HPSE2: variants seen among roughly 807,000 people sequenced by gnomAD.
The protein encoded by HPSE2 is heparanase 2 (inactive).
In HPSE2, 38 loss-of-function variants were observed where a neutral mutation model predicts 60.5. That is an observed-to-expected ratio of 0.63 (90% CI 0.48 to 0.82). The LOEUF (loss-of-function observed/expected upper bound fraction) is 0.82, where lower values mean the gene tolerates loss of function less well. HPSE2 is among the 40% of genes least tolerant of loss of function. HPSE2 has a pLI of 0.00. For missense variants in HPSE2, 713 were observed against 740.4 expected, an observed-to-expected ratio of 0.96 and a Z score of 0.43; for synonymous variants, 295 against 293.2, an observed-to-expected ratio of 1.01 and a Z score of -0.06.
At chr10:98,566,303 A>T (rs1028539065) in intron 9 of HPSE2, among the ~76,000 whole-genome samples, 2 of 152,208 alleles carry the variant, frequency 1.3e-5, no homozygotes, top group Admixed American at 1.3e-4. Flanking sequence ...TCTTTTCACA[A>T]ACTGCTAATG....
chr10:99,264,374 ACTG>A, the HPSE2 span, among the ~76,000 whole-genome samples: 4 of 152,182 alleles, frequency 2.6e-5, no homozygotes. Context: ...GGCGTGAGGC[ACTG>A]CACCCAGCCT....
chr10:99,256,276 T>A, the HPSE2 span, among the ~76,000 whole-genome samples: 7 of 149,278 alleles, frequency 4.7e-5, no homozygotes, highest in Non-Finnish European at 7.4e-5. Flanking sequence ...TCCACCCTCA[T>A]GAATGGATTA....
intron 2 of HPSE2, among the ~76,000 whole-genome samples, chr10:99,166,563 T>G (rs1012064783): frequency 3.9e-5 from 6 of 152,174 alleles, no homozygotes; most frequent in Non-Finnish European, 8.8e-5. Context: ...TCTAATAGAT[T>G]TGTAGTGGTA....
At chr10:98,600,911 G>GTATATATGTGTGTATATATATATATATA (rs576143051) in intron 9 of HPSE2, among the ~76,000 whole-genome samples, 1 of 73,702 alleles carries the variant, frequency 1.4e-5, no homozygotes, top group African/African-American at 3.7e-5. Flanking sequence ...ATGTGTGTGT[G>GTATATATGTGTGTATATATATATATATA]TATATATATA....
chr10:98,822,825 T>G (rs964767449), intron 3 of HPSE2, among the ~76,000 whole-genome samples: 8 of 152,232 alleles, frequency 5.3e-5, no homozygotes, highest in African/African-American at 1.9e-4. Context: ...GGCGGAATGA[T>G]GGCTGCCCTC....
intron 2 of HPSE2, among the ~76,000 whole-genome samples, chr10:99,178,940 C>T (rs1209240913): frequency 1.3e-5 from 2 of 152,174 alleles, no homozygotes; most frequent in African/African-American, 4.8e-5. Flanking sequence ...TTGGCTTCAT[C>T]CCTGGGATGC....
intron 3 of HPSE2, among the ~76,000 whole-genome samples, chr10:98,774,841 C>T (rs1950307392): frequency 6.6e-6 from 1 of 152,136 alleles, no homozygotes; most frequent in African/African-American, 2.4e-5. Context: ...TCTCCTTCAT[C>T]GTGGGACTCT....
intron 4 of HPSE2, among the ~76,000 whole-genome samples, chr10:98,741,599 A>T (rs1949498661): frequency 6.6e-6 from 1 of 151,860 alleles, no homozygotes; most frequent in Admixed American, 6.6e-5. Context: ...AAGCTCCCAC[A>T]TTCAGAGATG....
chr10:98,831,528 T>C (rs1951683775), intron 3 of HPSE2, among the ~76,000 whole-genome samples: 1 of 152,168 alleles, frequency 6.6e-6, no homozygotes, highest in Non-Finnish European at 1.5e-5. Flanking sequence ...ACACTGATAG[T>C]GTATATTAAT....
chr10:98,659,635 A>G (rs1203960810), intron 6 of HPSE2, among the ~76,000 whole-genome samples: 1 of 152,198 alleles, frequency 6.6e-6, no homozygotes, highest in Admixed American at 6.5e-5. Flanking sequence ...TCATGAACAT[A>G]TATTTGTTTG....
chr10:98,743,266 C>A (rs889570688), intron 4 of HPSE2, among the ~76,000 whole-genome samples: 3 of 151,802 alleles, frequency 2.0e-5, no homozygotes, highest in Admixed American at 1.3e-4. Flanking sequence ...CCACCACGCC[C>A]AGCCAAGAAT....
rs1843126122 is a variant in HPSE2 at position 99,081,238 on chromosome 10, C to T, written c.610+63000G>A. The stretch of plus-strand genomic sequence containing the variant: ...AAAGAAATACATATGCATGTATGAA[C>T]TATAAAATCCTGTGGTTCCACATAT... On this transcript the variant is annotated intron_variant, in intron 3 of 11. Transcript: ENST00000370552. Among the ~76,000 whole-genome samples, 3 of 152,316 alleles carry T rather than the reference C, an allele frequency of 2.0e-5. No individual in the cohort carries two copies. The South Asian group carries it at 6.2e-4, about 32-fold the overall frequency.
chr10:99,203,945 C>T (rs1171594649), intron 2 of HPSE2, among the ~76,000 whole-genome samples: 1 of 152,048 alleles, frequency 6.6e-6, no homozygotes, highest in African/African-American at 2.4e-5. Context: ...GCCAAGGTTC[C>T]AGGACCACCC....
the HPSE2 span, among the ~76,000 whole-genome samples, chr10:99,241,707 T>C: frequency 6.6e-6 from 1 of 152,166 alleles, no homozygotes; most frequent in Non-Finnish European, 1.5e-5. Flanking sequence ...TACAGTGAGC[T>C]ATGAGATCAT....
intron 3 of HPSE2, among the ~76,000 whole-genome samples, chr10:98,935,489 T>C (rs938635559): frequency 4.2e-5 from 6 of 143,976 alleles, no homozygotes; most frequent in Non-Finnish European, 6.0e-5. Flanking sequence ...TTTTTGTTGA[T>C]GTTGATTTTG....
rs1324749235 is a variant in HPSE2 at position 99,153,945 on chromosome 10, C to T, written c.449-9546G>A. Among the ~76,000 whole-genome samples the T allele has an allele frequency of 2.6e-5, 4 of 151,762 alleles. No individual in the cohort carries two copies. In the East Asian group the frequency reaches 5.8e-4, roughly 22 times the overall value. On this transcript the variant is annotated intron_variant, in intron 2 of 11. Coordinates refer to ENST00000370552, the MANE Select transcript of HPSE2 (RefSeq NM_021828.5). ...GCTGAAAACCAAGGCTCGAGAACTA[C>T]GTGAAGAATGCAGAAGCCTCAGGAG...
chr10:98,743,400 A>T (rs1293133851), intron 4 of HPSE2, among the ~76,000 whole-genome samples: 1 of 152,190 alleles, frequency 6.6e-6, no homozygotes, highest in Non-Finnish European at 1.5e-5. Flanking sequence ...TTGCAACAAG[A>T]CTTCTTATAG....
intron 3 of HPSE2, among the ~76,000 whole-genome samples, chr10:98,969,793 A>G (rs1955904524): frequency 6.6e-6 from 1 of 152,144 alleles, no homozygotes; most frequent in Non-Finnish European, 1.5e-5. Flanking sequence ...TATAAAGAAA[A>G]GAGGTTTAAT....
intron 3 of HPSE2, among the ~76,000 whole-genome samples, chr10:98,799,521 T>C (rs1241488589): frequency 6.6e-6 from 1 of 152,160 alleles, no homozygotes; most frequent in Non-Finnish European, 1.5e-5. Context: ...TTCTCAAGGA[T>C]AGACTATATG....
Sources: gnomAD v4.1 joint callset for allele counts (sites outside exome capture counted in the v4.1 genomes callset) on GRCh38, gnomAD v4.1.1 for gene constraint, MANE v1.5 for transcripts, NCBI Gene and HGNC (gene_info 2026-07-23, HGNC 2026-07-21) for gene names.